The following C2CD2 variants were observed in gnomAD, a reference collection of about 807,000 sequenced individuals.
C2CD2 encodes C2 calcium dependent domain containing 2.
In C2CD2, 43 loss-of-function variants were observed where a neutral mutation model predicts 74.3. The observed-to-expected ratio is 0.58, with a 90% CI of 0.45 to 0.75. The LOEUF (loss-of-function observed/expected upper bound fraction) is 0.75, where lower values mean the gene tolerates loss of function less well. Ranked by LOEUF, C2CD2 falls within the 30% of genes least tolerant of loss-of-function variation. The probability of loss-of-function intolerance (pLI) is 0.00; values close to 1 mark genes in which losing one functional copy is unlikely to be tolerated. For missense variants in C2CD2, 801 were observed against 916.3 expected, an observed-to-expected ratio of 0.87 and a Z score of 1.63; for synonymous variants, 422 against 390.7, an observed-to-expected ratio of 1.08 and a Z score of -0.94.
chr21:41,942,375 T>A, intron 1 of C2CD2, 130 bp from the exon 2 acceptor site: 1 of 707,686 alleles, frequency 1.4e-6, no homozygotes, highest in Non-Finnish European at 2.4e-6. Context: ...TCTGTGCTTC[T>A]AATAGCAGCA....
intron 10 of C2CD2, 51 bp downstream of exon 10, chr21:41,906,941 A>G: frequency 6.8e-7 from 1 of 1,461,704 alleles, no homozygotes; most frequent in Non-Finnish European, 9.5e-7. Flanking sequence ...CAAGGTGGTT[A>G]CAGGCAGGCG....
intron 3 of C2CD2, 99 bp from the exon 4 acceptor site, chr21:41,919,059 T>C (rs1569071804): frequency 1.2e-6 from 1 of 821,008 alleles, no homozygotes; most frequent in East Asian, 2.5e-5. Flanking sequence ...TGTGTGCATA[T>C]ATGCATGTGA....
chr21:41,909,165 G>A (rs941497678), intron 8 of C2CD2, among the ~76,000 whole-genome samples: 10 of 152,180 alleles, frequency 6.6e-5, no homozygotes, highest in African/African-American at 2.2e-4. Context: ...GAGGTCTCTT[G>A]GAGCTAAGAG....
At chr21:41,891,367 G>A (rs1008491349) in intron 13 of C2CD2, among the ~76,000 whole-genome samples, 5 of 152,234 alleles carry the variant, frequency 3.3e-5, no homozygotes, top group Non-Finnish European at 7.3e-5. Context: ...CATCAGCAGG[G>A]TGTGTTCTGA....
In C2CD2 at chr21:41,930,273, T is replaced by C. The variant is rs1238751368; in HGVS notation, c.379-8188A>G. 1.3e-5 allele frequency among the ~76,000 whole-genome samples: 2 copies of C among 149,348 alleles called. 1 individual carries two copies. Among genetic ancestry groups the C allele is most frequent in the East Asian group, 3.9e-4 (2 of 5,142 alleles). On this transcript the variant is annotated intron_variant, in intron 2 of 13. Coordinates refer to ENST00000380486, the MANE Select transcript of C2CD2 (RefSeq NM_015500.2). The stretch of plus-strand genomic sequence containing the variant: ...AGCTTTCCCGGTAGGCAGTTTCTGG[T>C]GAAAGGGAGGTAAGAGGCTATAATT...
At chr21:41,943,174 G>A (rs1045223735) in intron 1 of C2CD2, among the ~76,000 whole-genome samples, 4 of 152,206 alleles carry the variant, frequency 2.6e-5, no homozygotes, top group African/African-American at 7.2e-5. Context: ...GGTGGCACAC[G>A]TGTAATCCCA....
intron 1 of C2CD2, among the ~76,000 whole-genome samples, chr21:41,946,866 A>G (rs537651860): frequency 6.6e-6 from 1 of 152,276 alleles, no homozygotes; most frequent in Non-Finnish European, 1.5e-5. Context: ...AAAGACAGTC[A>G]GCAAAATAAT....
chr21:41,953,711 C>T lies in C2CD2; in HGVS notation c.-63G>A. On this transcript the variant is annotated 5_prime_UTR_variant, in exon 1 of 14. Transcript: ENST00000380486. ...CAGCCCCGGGCCGGAACGGCGGACT[C>T]AGGACACGCGCTGGCTGCGGCCACA... 1.5e-6 allele frequency: 2 copies of T among 1,305,042 alleles called. No individual in the cohort carries two copies. The highest frequency in any genetic ancestry group is 1.9e-6 in the Non-Finnish European group (2 of 1,028,390). The allele number at this position is 1,305,042 out of a possible 1,614,324, so 80.8% of individuals were successfully genotyped here.
Position 41,947,878 on chromosome 21 carries a change from G to A in C2CD2, c.279+5492C>T, listed in dbSNP as rs148461719. 2.6e-3 allele frequency among the ~76,000 whole-genome samples: 394 copies of A among 152,296 alleles called. 2 individuals are homozygous for A. The highest frequency in any genetic ancestry group is 3.5e-3 in the Non-Finnish European group (240 of 68,028). ...GCAACCAGCTCCAGAGCTTCCCCAC[G>A]GGCCCTTCCACGGGCTGAAGAAGTG... On this transcript the variant is annotated intron_variant, in intron 1 of 13. Coordinates refer to ENST00000380486, the MANE Select transcript of C2CD2 (RefSeq NM_015500.2).
chr21:41,905,012 G>A (rs545670808), intron 11 of C2CD2, among the ~76,000 whole-genome samples: 1 of 152,308 alleles, frequency 6.6e-6, no homozygotes, highest in Non-Finnish European at 1.5e-5. Context: ...TAGTGGAAGG[G>A]AAAACTACTT....
In C2CD2 at chr21:41,924,329, C is replaced by T. The variant is rs144468520; in HGVS notation, c.379-2244G>A. ...GCACTAAGGCCCGGGCAGGGGTCAA[C>T]ATCCAATATCCACAACCAAATACCT... On this transcript the variant is annotated intron_variant, in intron 2 of 13. Transcript: ENST00000380486. This position sits in a 1 kb window ranked among gnomAD's most constrained non-coding sequence, Gnocchi z 4.4. 3.9e-5 allele frequency among the ~76,000 whole-genome samples: 6 copies of T among 152,314 alleles called. No homozygotes were observed. The East Asian group carries it at 1.2e-3, about 29-fold the overall frequency.
intron 1 of C2CD2, among the ~76,000 whole-genome samples, chr21:41,943,327 C>T (rs1195878717): frequency 2.0e-5 from 3 of 152,076 alleles, no homozygotes; most frequent in African/African-American, 4.8e-5. Flanking sequence ...GAGAGACGCA[C>T]AATTAAATGA....
chr21:41,920,180 C>T (rs901734321), intron 3 of C2CD2, among the ~76,000 whole-genome samples: 2 of 152,242 alleles, frequency 1.3e-5, no homozygotes, highest in African/African-American at 4.8e-5. Flanking sequence ...GCCGCTAAGG[C>T]AGGCAGCCCT....
chr21:41,928,058 G>A (rs2065230604), intron 2 of C2CD2, among the ~76,000 whole-genome samples: 1 of 152,228 alleles, frequency 6.6e-6, no homozygotes, highest in South Asian at 2.1e-4. Context: ...AGATCTGTTT[G>A]TGAATGTGTT....
intron 1 of C2CD2, among the ~76,000 whole-genome samples, chr21:41,948,956 A>G (rs2065427825): frequency 7.1e-6 from 1 of 141,810 alleles, no homozygotes; most frequent in Non-Finnish European, 1.5e-5. Flanking sequence ...ACATACCTCT[A>G]AAGAAACCCT....
Position 41,942,211 on chromosome 21 carries a change from C to T in C2CD2, c.314G>A (p.Arg105Gln), listed in dbSNP as rs971367704. The T allele has an allele frequency of 5.8e-6, 9 of 1,549,478 alleles. No individual in the cohort carries two copies. Among genetic ancestry groups the T allele is most frequent in the East Asian group, 2.4e-5 (1 of 40,930 alleles). ...CACCACCAGCTCCAGTGCCTGCTGC[C>T]GCGGGTCCTCCTCAAAGGACAGGAA... The part of the protein sequence containing the change: ...PPFLSFEEDP[R>Q]QQALELVVQE... Residue 105 changes from arginine to glutamine, a missense_variant, in exon 2 of 14, where the codon CGG (arginine) becomes CAG (glutamine). Transcript: ENST00000380486.
In C2CD2 at chr21:41,919,222, G is replaced by A. The variant is rs950603779; in HGVS notation, c.493-262C>T. On this transcript the variant is annotated intron_variant, in intron 3 of 13. Transcript: ENST00000380486. ...TGTGCATGTGTATTTGAGCGTGTGCGGAAGTGTGCATGTGAGCACGTGTGC... is the reference window on the plus strand; with the variant it reads ...TGTGCATGTGTATTTGAGCGTGTGCAGAAGTGTGCATGTGAGCACGTGTGC... Among the ~76,000 whole-genome samples the A allele has an allele frequency of 1.8e-4, 28 of 152,330 alleles. No homozygotes were observed. The South Asian group carries it at 2.9e-3, about 16-fold the overall frequency.
chr21:41,928,495 AATTC>A (rs1440959290), intron 2 of C2CD2, among the ~76,000 whole-genome samples: 2 of 149,930 alleles, frequency 1.3e-5, no homozygotes, highest in Non-Finnish European at 2.9e-5. Context: ...TTTTAGCATA[AATTC>A]CAGGTTAATG....
chr21:41,930,364 AT>A (rs886098172), intron 2 of C2CD2, among the ~76,000 whole-genome samples: 4 of 150,116 alleles, frequency 2.7e-5, no homozygotes, highest in Non-Finnish European at 4.5e-5. Context: ...AGAGAAAAAA[AT>A]AATAATAAAC....
Sources: allele counts gnomAD v4.1 joint callset (sites outside exome capture counted in the v4.1 genomes callset), GRCh38; gene constraint gnomAD v4.1.1; non-coding constraint Gnocchi (gnomAD v3.1); transcripts MANE v1.5; gene names NCBI Gene and HGNC (gene_info 2026-07-23, HGNC 2026-07-21).